The following TP53I11 variants were observed in gnomAD, a reference collection of about 807,000 sequenced individuals.
The protein encoded by TP53I11 is tumor protein p53 inducible protein 11, also known as tumor protein p53-inducible protein 11.
Under a neutral mutation model 23.3 loss-of-function variants are expected in TP53I11, and 9 were observed. That is an observed-to-expected ratio of 0.39 (90% confidence interval 0.23 to 0.67). The LOEUF (loss-of-function observed/expected upper bound fraction) is 0.67. Ranked by LOEUF, TP53I11 falls within the 30% of genes least tolerant of loss-of-function variation. The probability of loss-of-function intolerance (pLI) is 0.48; values close to 1 mark genes in which losing one functional copy is unlikely to be tolerated. For missense variants in TP53I11, 170 were observed against 255.2 expected (o/e 0.67, Z 2.27); for synonymous variants, 100 against 106.1 (o/e 0.94, Z 0.35).
Position 44,936,558 on chromosome 11 carries a change from C to T in TP53I11, c.334+245G>A. 1 of 1,305,820 alleles carries T rather than the reference C, an allele frequency of 7.7e-7. No homozygotes were observed. The highest frequency in any genetic ancestry group is 3.7e-5 in the Admixed American group (1 of 27,164). The allele number at this position is 1,305,820 out of a possible 1,614,324, so 80.9% of individuals were successfully genotyped here. ...ACAACGCCCAGAGGCAGTGCACACA[C>T]TTATGAGCGCTCCTTGCAGATGGTG... On this transcript the variant is annotated intron_variant, in intron 5 of 6. Coordinates refer to ENST00000525680, the MANE Select transcript of TP53I11 (RefSeq NM_006034.5). The surrounding 1 kb of genome is among the most constrained non-coding windows in gnomAD (Gnocchi z 4.4).
At chr11:44,942,239 CCA>C (rs999040632) in intron 1 of TP53I11, among the ~76,000 whole-genome samples, 5 of 139,424 alleles carry the variant, frequency 3.6e-5, no homozygotes, top group South Asian at 2.3e-4. Context: ...CTACCACACA[CCA>C]CACACACCCA....
intron 1 of TP53I11, chr11:44,947,109 G>C: frequency 6.6e-6 from 3 of 456,290 alleles, no homozygotes; most frequent in South Asian, 3.1e-5. Context: ...CTCCTCCCCC[G>C]GGGGTCTGAA....
rs1296478298 is a variant in TP53I11 at position 44,942,462 on chromosome 11, ATACACAC to A, written c.-31-4103_-31-4097del. Among the ~76,000 whole-genome samples, 326 of 114,458 alleles carry A rather than the reference ATACACAC, an allele frequency of 2.8e-3. 1 individual carries two copies. Among genetic ancestry groups the A allele is most frequent in the African/African-American group, 0.01 (314 of 30,438 alleles). 75.1% of individuals were successfully genotyped at this position (114,458 alleles called of 152,430 possible). ...CACACACACACACACACACACACAC[ATACACAC>A]ACAGAGCATTCCCCTCTGCATCCCA... On this transcript the variant is annotated intron_variant, in intron 1 of 6. Coordinates refer to ENST00000525680, the MANE Select transcript of TP53I11 (RefSeq NM_006034.5).
Position 44,936,937 on chromosome 11 carries a change from G to C in TP53I11, c.238-38C>G. 6.8e-7 allele frequency: 1 copy of C among 1,467,386 alleles called. No individual in the cohort carries two copies. 90.9% of individuals were successfully genotyped at this position (1,467,386 alleles called of 1,614,324 possible). Reference sequence around the variant, plus strand: ...AGAGGGGCTCAGAGGTCCCGCTTGGGAGAGGGTGGGGGGTGACAGCTGATG... The same window carrying C: ...AGAGGGGCTCAGAGGTCCCGCTTGGCAGAGGGTGGGGGGTGACAGCTGATG... On this transcript the variant is annotated intron_variant, in intron 4 of 6. Transcript: ENST00000525680. This position sits in a 1 kb window ranked among gnomAD's most constrained non-coding sequence, Gnocchi z 4.4.
chr11:44,935,854 T>C, intron 5 of TP53I11, 192 bp from the exon 6 acceptor site: 1 of 600,952 alleles, frequency 1.7e-6, no homozygotes, highest in Admixed American at 2.9e-5. Flanking sequence ...CCAGACTCAA[T>C]GCTGCTGCTT....
intron 2 of TP53I11, 147 bp downstream of exon 2, chr11:44,938,060 C>T: frequency 1.7e-6 from 2 of 1,190,756 alleles, no homozygotes; most frequent in South Asian, 1.7e-5. Context: ...TCTCGTTATT[C>T]CCCTGGCATT....
At chr11:44,947,247 C>T (rs551029648) in intron 1 of TP53I11, 280 of 402,144 alleles carry the variant, frequency 7.0e-4, no homozygotes, top group Admixed American at 1.0e-3. Flanking sequence ...CTGTCCTTTT[C>T]GACTCTGAGA....
rs890728321 is a variant in TP53I11, at chr11:44,936,481, C to G, written c.334+322G>C. ...GACACTGAATTGATCTGCCTCTCCTCTAGGCTGTGAATTCCTAGAGGCTGG... is the reference window on the plus strand; with the variant it reads ...GACACTGAATTGATCTGCCTCTCCTGTAGGCTGTGAATTCCTAGAGGCTGG... On this transcript the variant is annotated intron_variant, in intron 5 of 6. Coordinates refer to ENST00000525680, the MANE Select transcript of TP53I11 (RefSeq NM_006034.5). This position sits in a 1 kb window ranked among gnomAD's most constrained non-coding sequence, Gnocchi z 4.4. 1 of 1,240,374 alleles carries G rather than the reference C, an allele frequency of 8.1e-7. No homozygotes were observed. Among genetic ancestry groups the G allele is most frequent in the Non-Finnish European group, 1.0e-6 (1 of 993,060 alleles). 76.8% of individuals were successfully genotyped at this position (1,240,374 alleles called of 1,614,324 possible). A position where few individuals can be genotyped will look rare whatever the true frequency, so the allele number is the denominator to read the frequency against.
chr11:44,935,082 C>T lies in TP53I11; in HGVS notation c.437-65G>A. 1.9e-6 allele frequency: 3 copies of T among 1,600,268 alleles called. 1 individual carries two copies. Among genetic ancestry groups the T allele is most frequent in the South Asian group, 1.1e-5 (1 of 90,828 alleles). ...GGGGATGTGTCCCAGCGCTGCCCCCCTAGCCCGGAGCGCTGGTGTGGCCGT... is the reference window on the plus strand; with the variant it reads ...GGGGATGTGTCCCAGCGCTGCCCCCTTAGCCCGGAGCGCTGGTGTGGCCGT... On this transcript the variant is annotated intron_variant, in intron 6 of 6. Transcript: ENST00000525680.
rs762183552 is a variant in TP53I11, at chr11:44,936,316, G to A, written c.334+487C>T. On this transcript the variant is annotated intron_variant, in intron 5 of 6. Coordinates refer to ENST00000525680, the MANE Select transcript of TP53I11 (RefSeq NM_006034.5). This position sits in a 1 kb window ranked among gnomAD's most constrained non-coding sequence, Gnocchi z 4.4. Reference sequence around the variant, plus strand: ...AGCCATAGAATATTTCGTAGAAATAGAGGCATATTACCTATGCTGAGCTTT... The same window carrying A: ...AGCCATAGAATATTTCGTAGAAATAAAGGCATATTACCTATGCTGAGCTTT... The A allele has an allele frequency of 3.5e-4, 423 of 1,193,684 alleles. 1 individual carries two copies. In the Middle Eastern group the frequency reaches 3.6e-3, roughly 10 times the overall value. 73.9% of individuals were successfully genotyped at this position (1,193,684 alleles called of 1,614,324 possible).
chr11:44,936,184 C>T lies in TP53I11; in HGVS notation c.335-522G>A. The T allele has an allele frequency of 1.1e-5, 11 of 1,012,266 alleles. No individual in the cohort carries two copies. The highest frequency in any genetic ancestry group is 1.3e-5 in the Non-Finnish European group (11 of 847,250). The allele number at this position is 1,012,266 out of a possible 1,614,324, so 62.7% of individuals were successfully genotyped here. ...CTGACTTGGCCTCTAGCAGGCCCCG[C>T]CCACCCAGTGTCTGCTGGTACCAGA... On this transcript the variant is annotated intron_variant, in intron 5 of 6. Coordinates refer to ENST00000525680, the MANE Select transcript of TP53I11 (RefSeq NM_006034.5). The surrounding 1 kb of genome is among the most constrained non-coding windows in gnomAD (Gnocchi z 4.4).
At chr11:44,941,400 C>A (rs1271148158) in intron 1 of TP53I11, among the ~76,000 whole-genome samples, 1 of 152,162 alleles carries the variant, frequency 6.6e-6, no homozygotes, top group Admixed American at 6.5e-5. Context: ...AAAGAGCCAG[C>A]TCACTGCTCA....
At position 44,934,838 on chromosome 11, in the gene TP53I11, G is replaced by A. The variant is rs199605358; in HGVS notation, c.*46C>T. On this transcript the variant is annotated 3_prime_UTR_variant, in exon 7 of 7. Transcript: ENST00000525680. Reference sequence around the variant, plus strand: ...GCCAAAGGGAAGCCGAGGCCCCAGCGCCACTCTGGCCCAGGCATGGGCAGG... The same window carrying A: ...GCCAAAGGGAAGCCGAGGCCCCAGCACCACTCTGGCCCAGGCATGGGCAGG... 7.4e-4 allele frequency: 1,194 copies of A among 1,611,016 alleles called. 3 individuals carry two copies. The highest frequency in any genetic ancestry group is 7.1e-4 in the Non-Finnish European group (839 of 1,178,386).
In TP53I11 at chr11:44,935,677, G is replaced by GGGGGGTTT; in HGVS notation, c.335-16_335-15insAAACCCCC. On this transcript the variant is annotated splice_polypyrimidine_tract_variant and intron_variant, in intron 5 of 6. Transcript: ENST00000525680. ...CAGGGAGATGCCTGGGGCGGGGGATGAAAAGGGGGCTGGGGGTGGGACAGC... is the reference window on the plus strand; with the variant it reads ...CAGGGAGATGCCTGGGGCGGGGGATGGGGGGTTTAAAAGGGGGCTGGGGGTGGGACAGC... 1.7e-5 allele frequency: 10 copies of GGGGGGTTT among 575,398 alleles called. No individual in the cohort carries two copies. The highest frequency in any genetic ancestry group is 2.5e-5 in the Non-Finnish European group (8 of 318,208). 35.6% of individuals were successfully genotyped at this position (575,398 alleles called of 1,614,324 possible).
intron 1 of TP53I11, chr11:44,947,361 G>T (rs1047642747): frequency 6.8e-5 from 23 of 339,340 alleles, no homozygotes; most frequent in Non-Finnish European, 1.2e-4. Flanking sequence ...CGGGCTAGGG[G>T]TCTGGTGAGA....
intron 1 of TP53I11, among the ~76,000 whole-genome samples, chr11:44,942,228 C>CACACACCCACCACACACCCACACA (rs1861905231): frequency 1.4e-5 from 2 of 143,952 alleles, no homozygotes; most frequent in Non-Finnish European, 3.1e-5. Flanking sequence ...CCACCACACA[C>CACACACCCACCACACACCCACACA]CTACCACACA....
Position 44,933,267 on chromosome 11 carries a change from G to A in TP53I11, c.*1617C>T, listed in dbSNP as rs1860736673. 1 of 152,408 alleles carries A rather than the reference G, an allele frequency of 6.6e-6. No homozygotes were observed. The highest frequency in any genetic ancestry group is 2.4e-5 in the African/African-American group (1 of 41,452). 9.4% of individuals were successfully genotyped at this position (152,408 alleles called of 1,614,324 possible). Reference sequence around the variant, plus strand: ...GGTACAGGCCATGTTGCTGTATCTGGGTGCAGGGACAGCCAGGCACAGGGT... The same window carrying A: ...GGTACAGGCCATGTTGCTGTATCTGAGTGCAGGGACAGCCAGGCACAGGGT... On this transcript the variant is annotated 3_prime_UTR_variant, in exon 7 of 7. Coordinates refer to ENST00000525680, the MANE Select transcript of TP53I11 (RefSeq NM_006034.5).
chr11:44,951,126 C>T (rs1419347414), upstream of TP53I11: 2 of 151,750 alleles, frequency 1.3e-5, no homozygotes, highest in African/African-American at 2.4e-5. Context: ...CCTGGCGTGG[C>T]CCGCGCCGCC....
At chr11:44,945,856 G>A (rs967448548) in intron 1 of TP53I11, among the ~76,000 whole-genome samples, 5 of 152,272 alleles carry the variant, frequency 3.3e-5, no homozygotes, top group African/African-American at 4.8e-5. Flanking sequence ...CAGAGCTTGC[G>A]TCATCCGCTC....
Sources: allele counts gnomAD v4.1 joint callset (sites outside exome capture counted in the v4.1 genomes callset), GRCh38; gene constraint gnomAD v4.1.1; non-coding constraint Gnocchi (gnomAD v3.1); transcripts MANE v1.5; gene names NCBI Gene and HGNC (gene_info 2026-07-23, HGNC 2026-07-21).